Variants in ASF1B observed in about 807,000 individuals in gnomAD.
The protein encoded by ASF1B is histone chaperone ASF1B.
In ASF1B, 10 loss-of-function variants were observed where a neutral mutation model predicts 16.6. The observed-to-expected ratio is 0.60, with a 90% CI of 0.37 to 1.02. The LOEUF is 1.02. ASF1B is among the 50% of genes least tolerant of loss of function. The pLI, the probability that ASF1B is intolerant of heterozygous loss-of-function variation, is 0.01. For missense variants in ASF1B, 240 were observed against 266.0 expected (o/e 0.90, Z 0.68); for synonymous variants, 101 against 106.2 (o/e 0.95, Z 0.30).
At chr19:14,128,243 C>G (rs773602004) in intron 1 of ASF1B, among the ~76,000 whole-genome samples, 1 of 152,202 alleles carries the variant, frequency 6.6e-6, no homozygotes, top group Non-Finnish European at 1.5e-5. Flanking sequence ...TCAGAAGCTG[C>G]CCTGTTCCTT....
At chr19:14,126,779 G>A (rs2144513486) in intron 1 of ASF1B, among the ~76,000 whole-genome samples, 1 of 152,030 alleles carries the variant, frequency 6.6e-6, no homozygotes, top group East Asian at 1.9e-4. Context: ...GCCTGTTTTT[G>A]TATTTTTAGT....
Position 14,120,350 on chromosome 19 carries a change from C to G in ASF1B, c.*109G>C. On this transcript the variant is annotated 3_prime_UTR_variant, in exon 4 of 4. Transcript: ENST00000263382. ...TTTCCTAGGGGCTGAGTTTGACAGA[C>G]CTGGATTGCAGCTGATGGCCCCCAA... The G allele has an allele frequency of 1.8e-6, 2 of 1,097,862 alleles. No individual in the cohort carries two copies. The highest frequency in any genetic ancestry group is 2.6e-6 in the Non-Finnish European group (2 of 759,262). The allele number at this position is 1,097,862 out of a possible 1,614,324, so 68.0% of individuals were successfully genotyped here. A position where few individuals can be genotyped will look rare whatever the true frequency, so the allele number is the denominator to read the frequency against.
chr19:14,128,063 G>C (rs1406285082), intron 1 of ASF1B, among the ~76,000 whole-genome samples: 1 of 152,202 alleles, frequency 6.6e-6, no homozygotes. Flanking sequence ...CGGTCAACAT[G>C]GCCTCTTGCA....
At chr19:14,128,441 G>A (rs1967349819) in intron 1 of ASF1B, among the ~76,000 whole-genome samples, 1 of 152,092 alleles carries the variant, frequency 6.6e-6, no homozygotes, top group African/African-American at 2.4e-5. Flanking sequence ...ACAGGTGTTT[G>A]GTCGAACTAG....
intron 1 of ASF1B, among the ~76,000 whole-genome samples, chr19:14,130,971 G>A (rs1026943299): frequency 6.6e-6 from 1 of 151,856 alleles, no homozygotes; most frequent in African/African-American, 2.4e-5. Flanking sequence ...TCCATCTCCC[G>A]GGTTCAAGCG....
chr19:14,131,387 C>T (rs151334864), intron 1 of ASF1B, among the ~76,000 whole-genome samples: 17 of 150,800 alleles, frequency 1.1e-4, no homozygotes, highest in African/African-American at 3.4e-4. Flanking sequence ...TTCACCACGT[C>T]GGTTAGGCTG....
chr19:14,125,859 T>C (rs1967309739), intron 2 of ASF1B, among the ~76,000 whole-genome samples: 1 of 151,952 alleles, frequency 6.6e-6, no homozygotes, highest in East Asian at 1.9e-4. Context: ...GGCCTCTATG[T>C]TTTTAATACT....
rs749631039 is a variant in ASF1B, at chr19:14,120,254, T to G, written c.*205A>C. 5.5e-6 allele frequency: 3 copies of G among 546,730 alleles called. No individual in the cohort carries two copies. The highest frequency in any genetic ancestry group is 3.3e-5 in the East Asian group (1 of 30,746). 33.9% of individuals were successfully genotyped at this position (546,730 alleles called of 1,614,324 possible). On this transcript the variant is annotated 3_prime_UTR_variant, in exon 4 of 4. Coordinates refer to ENST00000263382, the MANE Select transcript of ASF1B (RefSeq NM_018154.3). ...AGAATTTAGAACTGAAGTACCTGCT[T>G]CTTATAGGCCTGTAGAGGAAAAGCG... is the stretch of plus-strand genomic sequence containing the variant.
chr19:14,133,411 T>C (rs1002842538), intron 1 of ASF1B, among the ~76,000 whole-genome samples: 2 of 152,158 alleles, frequency 1.3e-5, no homozygotes, highest in African/African-American at 4.8e-5. Flanking sequence ...CTCACGCCTG[T>C]AATCCCAGCA....
rs1967205232 is a variant in ASF1B at position 14,119,750 on chromosome 19, CTGGCCCGGAGACAGA to C, written c.*694_*708del. 1 of 152,630 alleles carries C rather than the reference CTGGCCCGGAGACAGA, an allele frequency of 6.6e-6. No homozygotes were observed. The highest frequency in any genetic ancestry group is 1.5e-5 in the Non-Finnish European group (1 of 68,046). The allele number at this position is 152,630 out of a possible 1,614,324, so 9.5% of individuals were successfully genotyped here. ...TGCCAGAGGCAGAGGGTCCCTGACC[CTGGCCCGGAGACAGA>C]CTGCCCAGGCAGGCCCTCTGATACC... On this transcript the variant is annotated 3_prime_UTR_variant, in exon 4 of 4. Transcript: ENST00000263382.
rs762496872 is a variant in ASF1B, at chr19:14,121,707, G to C, written c.227C>G (p.Ala76Gly). The C allele has an allele frequency of 1.9e-6, 3 of 1,612,756 alleles. No individual in the cohort carries two copies. The highest frequency in any genetic ancestry group is 2.5e-6 in the Non-Finnish European group (3 of 1,179,304). ...PAGRHMFVFQ[A>G]DAPNPSLIPE... ...GATGAGGGATGGGTTGGGGGCGTCG[G>C]CCTAGGGGAGACACATCCTAGGCCT... Residue 76 changes from alanine (A) to glycine (G), a missense_variant and splice_region_variant, in exon 3 of 4, where the codon GCC becomes GGC. Transcript: ENST00000263382.
At chr19:14,124,541 A>G (rs1967289682) in intron 2 of ASF1B, among the ~76,000 whole-genome samples, 1 of 152,120 alleles carries the variant, frequency 6.6e-6, no homozygotes, top group Admixed American at 6.6e-5. Context: ...GTGCAAGTTC[A>G]CCTACCTGCT....
chr19:14,134,695 G>A (rs902448614), intron 1 of ASF1B, among the ~76,000 whole-genome samples: 1 of 152,118 alleles, frequency 6.6e-6, no homozygotes, highest in Admixed American at 6.6e-5. Context: ...TGTGGCTCCT[G>A]TCTTCTCATC....
chr19:14,127,955 C>T (rs1016000417), intron 1 of ASF1B, among the ~76,000 whole-genome samples: 2 of 152,084 alleles, frequency 1.3e-5, no homozygotes, highest in Non-Finnish European at 2.9e-5. Context: ...CTAACTCTTG[C>T]ACCCCATCCA....
Position 14,136,576 on chromosome 19 carries a change from G to A in ASF1B, c.-120C>T, listed in dbSNP as rs542395046. 1 of 739,046 alleles carries A rather than the reference G, an allele frequency of 1.4e-6. No individual in the cohort carries two copies. Among genetic ancestry groups the A allele is most frequent in the Non-Finnish European group, 2.2e-6 (1 of 462,994 alleles). The allele number at this position is 739,046 out of a possible 1,614,324, so 45.8% of individuals were successfully genotyped here. A position where few individuals can be genotyped will look rare whatever the true frequency, so the allele number is the denominator to read the frequency against. ...AGGTCCACTCCCGCCTCTTCTCTCC[G>A]AGAACTGAAGTGCGCACCTAGTCCG... On this transcript the variant is annotated 5_prime_UTR_variant, in exon 1 of 4. Coordinates refer to ENST00000263382, the MANE Select transcript of ASF1B (RefSeq NM_018154.3).
At chr19:14,121,451 G>C (rs754616087) in intron 3 of ASF1B, 81 bp downstream of exon 3, 9 of 1,461,640 alleles carry the variant, frequency 6.2e-6, no homozygotes, top group Admixed American at 1.9e-5. Flanking sequence ...AAGTGACCTT[G>C]ACTCTCAATT....
chr19:14,135,711 G>A (rs1342802447), intron 1 of ASF1B, among the ~76,000 whole-genome samples: 2 of 152,108 alleles, frequency 1.3e-5, no homozygotes, highest in Admixed American at 1.3e-4. Flanking sequence ...AGGAGCTTGG[G>A]TGAGAGGTCT....
chr19:14,126,197 A>C lies in ASF1B; in HGVS notation c.150T>G (p.Ser50Arg), dbSNP rs559670040. The C allele has an allele frequency of 1.2e-6, 2 of 1,613,028 alleles. No individual in the cohort carries two copies. The highest frequency in any genetic ancestry group is 8.5e-7 in the Non-Finnish European group (1 of 1,179,880). ...WKIIYVGSAE[S>R]EEFDQILDSV... ...AGTCTAGGATCTGATCAAATTCCTC[A>C]CTCTCAGCCGAGCCAACATAAATGA... is the stretch of plus-strand genomic sequence containing the variant. The change falls in exon 2 of 4, where the codon AGT becomes AGG. Residue 50 changes from serine (S) to arginine (R), a missense_variant. By Grantham distance (110) the Ser-to-Arg change is moderately radical (BLOSUM62 -1). Coordinates refer to ENST00000263382, the MANE Select transcript of ASF1B (RefSeq NM_018154.3).
chr19:14,125,605 T>C (rs1967306313), intron 2 of ASF1B, among the ~76,000 whole-genome samples: 1 of 152,170 alleles, frequency 6.6e-6, no homozygotes, highest in African/African-American at 2.4e-5. Context: ...CAGGCTGGAG[T>C]GCAGTGGTGT....
Sources: allele counts gnomAD v4.1 joint callset (sites outside exome capture counted in the v4.1 genomes callset), GRCh38; gene constraint gnomAD v4.1.1; transcripts MANE v1.5; gene names NCBI Gene and HGNC (gene_info 2026-07-23, HGNC 2026-07-21).